EFR3B: variants seen among roughly 807,000 people sequenced by gnomAD.
The protein encoded by EFR3B is protein EFR3 homolog B.
In EFR3B, 64 loss-of-function variants were observed where a neutral mutation model predicts 104.7. The observed-to-expected ratio is 0.61, with a 90% confidence interval of 0.50 to 0.75. The LOEUF is 0.75. Among genes scored for constraint, EFR3B ranks in the 30% least tolerant of loss-of-function variants. EFR3B has a pLI of 0.00. For missense variants in EFR3B, 750 were observed against 1,078.5 expected (o/e 0.70, Z 4.27); for synonymous variants, 385 against 417.9 (o/e 0.92, Z 0.96).
At chr2:25,143,908 T>G (rs545499978) in intron 18 of EFR3B, 46 bp downstream of exon 18, 2 of 1,543,164 alleles carry the variant, frequency 1.3e-6, no homozygotes, top group East Asian at 2.5e-5. Flanking sequence ...CTGTCTTTAC[T>G]TGGCCAGGTA....
intron 4 of EFR3B, among the ~76,000 whole-genome samples, chr2:25,109,742 G>A (rs763621710): frequency 9.9e-5 from 15 of 152,210 alleles, no homozygotes. Flanking sequence ...GGACTGCTGA[G>A]TGGGTATAGG....
At chr2:25,083,350 A>G (rs1668865596) in intron 1 of EFR3B, among the ~76,000 whole-genome samples, 1 of 152,258 alleles carries the variant, frequency 6.6e-6, no homozygotes. Flanking sequence ...TATAGTTGTG[A>G]GTTAAACTCC....
At chr2:25,150,203 G>A (rs1216349272) in intron 20 of EFR3B, among the ~76,000 whole-genome samples, 1 of 151,854 alleles carries the variant, frequency 6.6e-6, no homozygotes, top group Non-Finnish European at 1.5e-5. Context: ...GGGAGGCTGA[G>A]GCAGGAGAAT....
chr2:25,046,783 G>C (rs541600617), intron 1 of EFR3B, among the ~76,000 whole-genome samples: 1 of 152,146 alleles, frequency 6.6e-6, no homozygotes, highest in African/African-American at 2.4e-5. Flanking sequence ...GATTACAGGC[G>C]TGAGCCACCG....
At chr2:25,070,203 C>T (rs1022499499) in intron 1 of EFR3B, among the ~76,000 whole-genome samples, 1 of 152,312 alleles carries the variant, frequency 6.6e-6, no homozygotes, top group East Asian at 1.9e-4. Context: ...AGTCGAGTCC[C>T]ACCTCCTACC....
chr2:25,055,357 G>C (rs992116020), intron 1 of EFR3B, among the ~76,000 whole-genome samples: 1 of 152,156 alleles, frequency 6.6e-6, no homozygotes, highest in Non-Finnish European at 1.5e-5. Flanking sequence ...TGGGTTATAC[G>C]AGTCCCTCAC....
At chr2:25,067,729 G>A (rs1668378453) in intron 1 of EFR3B, among the ~76,000 whole-genome samples, 1 of 152,070 alleles carries the variant, frequency 6.6e-6, no homozygotes, top group Non-Finnish European at 1.5e-5. Context: ...TGTCTGGGGC[G>A]GTGCTCAGAG....
chr2:25,088,525 A>G (rs1191792881), intron 1 of EFR3B, among the ~76,000 whole-genome samples: 3 of 152,124 alleles, frequency 2.0e-5, no homozygotes, highest in Admixed American at 1.3e-4. Context: ...ACCAGCTGGC[A>G]TGGATGGAAG....
At chr2:25,135,053 C>T (rs1670482183) in intron 12 of EFR3B, among the ~76,000 whole-genome samples, 2 of 152,180 alleles carry the variant, frequency 1.3e-5, no homozygotes, top group South Asian at 4.1e-4. Context: ...GATCCTTCAG[C>T]CCAGCTGTGA....
chr2:25,110,167 G>A (rs533487241), intron 4 of EFR3B, among the ~76,000 whole-genome samples: 2 of 152,134 alleles, frequency 1.3e-5, no homozygotes, highest in South Asian at 4.2e-4. Flanking sequence ...CCAAGCTCCA[G>A]CTCTTGCTGA....
chr2:25,045,856 G>A (rs187829041), intron 1 of EFR3B, among the ~76,000 whole-genome samples: 7 of 151,980 alleles, frequency 4.6e-5, no homozygotes, highest in Non-Finnish European at 1.5e-5. Context: ...CCGTTTCCCC[G>A]CTGAGGTGAA....
intron 17 of EFR3B, 111 bp downstream of exon 17, chr2:25,141,544 C>A: frequency 8.7e-7 from 1 of 1,153,692 alleles, no homozygotes; most frequent in Non-Finnish European, 1.2e-6. Context: ...CTTCTGTGGA[C>A]TCAAGGGCAG....
chr2:25,126,303 C>A (rs1232819644), intron 5 of EFR3B, among the ~76,000 whole-genome samples: 1 of 152,136 alleles, frequency 6.6e-6, no homozygotes, highest in African/African-American at 2.4e-5. Flanking sequence ...GTACTTCCAC[C>A]CCAGCCTCCT....
intron 4 of EFR3B, among the ~76,000 whole-genome samples, chr2:25,116,591 TCC>T (rs2149198239): frequency 6.6e-6 from 1 of 152,044 alleles, no homozygotes; most frequent in Non-Finnish European, 1.5e-5. Flanking sequence ...GCCACTGCAC[TCC>T]AGCTTGGGCA....
rs13384927 is a variant in EFR3B, at chr2:25,098,068, G to A, written c.212+4938G>A. Among the ~76,000 whole-genome samples, 3,525 of 152,190 alleles carry A rather than the reference G, an allele frequency of 0.023. 248 individuals are homozygous for A. In the East Asian group the frequency reaches 0.27, roughly 12 times the overall value. ...CAGAAGGACCCTGAACCTGACTGGAGGATGGCTGACCTTGAGATAGGGATA... is the reference window on the plus strand; with the variant it reads ...CAGAAGGACCCTGAACCTGACTGGAAGATGGCTGACCTTGAGATAGGGATA... On this transcript the variant is annotated intron_variant, in intron 3 of 22. Coordinates refer to ENST00000403714, the MANE Select transcript of EFR3B (RefSeq NM_014971.2).
chr2:25,102,626 C>G (rs539910813), intron 3 of EFR3B, among the ~76,000 whole-genome samples: 2 of 152,214 alleles, frequency 1.3e-5, no homozygotes, highest in East Asian at 3.9e-4. Flanking sequence ...CTGGTGCCCC[C>G]CTTGACACGT....
chr2:25,049,514 T>A (rs1301258877), intron 1 of EFR3B, among the ~76,000 whole-genome samples: 1 of 152,230 alleles, frequency 6.6e-6, no homozygotes, highest in African/African-American at 2.4e-5. Context: ...ATGCAAACAA[T>A]TAAATGATAT....
At chr2:25,148,921 CAAAAAAAAAAAA>C (rs57218512) in intron 19 of EFR3B, among the ~76,000 whole-genome samples, 2 of 68,476 alleles carry the variant, frequency 2.9e-5, no homozygotes, top group African/African-American at 1.2e-4. Flanking sequence ...GACTCCGTCT[CAAAAAAAAAAAA>C]AAAAAAAAAA....
chr2:25,100,682 C>T lies in EFR3B; in HGVS notation c.213-2955C>T, dbSNP rs541874725. ...TAATTTTTGGTATTTTTAGTAGAGA[C>T]GGTGTTTCACTGTGTTAGCCATGAT... On this transcript the variant is annotated intron_variant, in intron 3 of 22. Coordinates refer to ENST00000403714, the MANE Select transcript of EFR3B (RefSeq NM_014971.2). 2.0e-4 allele frequency among the ~76,000 whole-genome samples: 30 copies of T among 152,258 alleles called. No individual in the cohort carries two copies. In the South Asian group the frequency reaches 5.4e-3, roughly 27 times the overall value.
Sources: gnomAD v4.1 joint callset for allele counts (sites outside exome capture counted in the v4.1 genomes callset) on GRCh38, gnomAD v4.1.1 for gene constraint, MANE v1.5 for transcripts, NCBI Gene and HGNC (gene_info 2026-07-23, HGNC 2026-07-21) for gene names.